Variants in SLC13A3 observed in about 807,000 individuals in gnomAD.
SLC13A3 encodes the protein solute carrier family 13 member 3, also known as Na(+)/dicarboxylate cotransporter 3.
Under a neutral mutation model 59.0 loss-of-function variants are expected in SLC13A3, and 40 were observed. The ratio of observed to expected loss-of-function variants is 0.68; its 90% confidence interval spans 0.53 to 0.88. The LOEUF is 0.88. Ranked by LOEUF, SLC13A3 falls within the 40% of genes least tolerant of loss-of-function variation. The pLI is 0.00. For missense variants in SLC13A3, 699 were observed against 783.2 expected, an observed-to-expected ratio of 0.89 and a Z score of 1.28; for synonymous variants, 317 against 330.3, an observed-to-expected ratio of 0.96 and a Z score of 0.44.
intron 4 of SLC13A3, among the ~76,000 whole-genome samples, chr20:46,596,648 G>A (rs186086385): frequency 1.9e-3 from 287 of 152,338 alleles, no homozygotes; most frequent in Non-Finnish European, 3.0e-3. Flanking sequence ...TTCCTGAATG[G>A]AACACCAATG....
In SLC13A3 at chr20:46,558,430, A is replaced by G. The variant is rs1034721395; in HGVS notation, c.*1592T>C. The G allele has an allele frequency of 3.3e-5, 5 of 152,222 alleles. No homozygotes were observed. The highest frequency in any genetic ancestry group is 1.2e-4 in the African/African-American group (5 of 41,452). The allele number at this position is 152,222 out of a possible 1,614,324, so 9.4% of individuals were successfully genotyped here. On this transcript the variant is annotated 3_prime_UTR_variant, in exon 13 of 13. Transcript: ENST00000279027. ...CAAATCATCTCCAGGTCCAAAGTTG[A>G]TTAACATTCTTTATTTCACAGTATT...
chr20:46,631,809 C>T (rs974614519), intron 1 of SLC13A3, among the ~76,000 whole-genome samples: 1 of 152,006 alleles, frequency 6.6e-6, no homozygotes, highest in African/African-American at 2.4e-5. Flanking sequence ...GAAAAAAATG[C>T]CATGTCAGGT....
intron 1 of SLC13A3, among the ~76,000 whole-genome samples, chr20:46,616,149 A>T (rs2122760718): frequency 6.6e-6 from 1 of 152,330 alleles, no homozygotes; most frequent in Non-Finnish European, 1.5e-5. Context: ...CAGTTTCTCA[A>T]ATGAGGCAGA....
At chr20:46,655,042 T>G (rs1003544137), upstream of SLC13A3, among the ~76,000 whole-genome samples, 2 of 152,226 alleles carry the variant, frequency 1.3e-5, no homozygotes, top group African/African-American at 4.8e-5. Context: ...ATTTGAGTTA[T>G]TTCTTCTCCA....
chr20:46,676,279 A>T (rs1287011558), intron 1 of SLC13A3, among the ~76,000 whole-genome samples: 1 of 151,862 alleles, frequency 6.6e-6, no homozygotes. Context: ...GTTTCATGAA[A>T]TTTTACAAAC....
At chr20:46,609,665 A>G (rs1422231510) in intron 3 of SLC13A3, among the ~76,000 whole-genome samples, 3 of 152,228 alleles carry the variant, frequency 2.0e-5, no homozygotes, top group Non-Finnish European at 4.4e-5. Flanking sequence ...TCCAATCATA[A>G]CTGCTCTATG....
Position 46,614,267 on chromosome 20 carries a change from C to A in SLC13A3, c.112-542G>T, listed in dbSNP as rs368308597. On this transcript the variant is annotated intron_variant, in intron 1 of 12. Transcript: ENST00000279027. ...CCTGAAGCTCAATTCTGATGGGGAA[C>A]CCTGGGGGACAGGGCATATCATGCC... Among the ~76,000 whole-genome samples, 9 of 152,242 alleles carry A rather than the reference C, an allele frequency of 5.9e-5. No homozygotes were observed. In the East Asian group the frequency reaches 1.2e-3, roughly 20 times the overall value.
chr20:46,644,146 A>G (rs2062871822), intron 1 of SLC13A3, among the ~76,000 whole-genome samples: 1 of 152,188 alleles, frequency 6.6e-6, no homozygotes, highest in South Asian at 2.1e-4. Context: ...CCCTCACTGA[A>G]GCCTTTGGAA....
chr20:46,629,437 A>T (rs535829529), intron 1 of SLC13A3, among the ~76,000 whole-genome samples: 24 of 152,318 alleles, frequency 1.6e-4, no homozygotes, highest in Non-Finnish European at 2.9e-4. Context: ...CAACCTGCAT[A>T]TGTTTTAGTT....
At chr20:46,600,433 AGG>A (rs1385114431) in intron 3 of SLC13A3, among the ~76,000 whole-genome samples, 416 of 151,560 alleles carry the variant, frequency 2.7e-3, no homozygotes, top group Non-Finnish European at 5.0e-3. Context: ...AAAGGAAGGA[AGG>A]AAGGAAGGAA....
At chr20:46,682,146 G>A (rs2063156611) in intron 1 of SLC13A3, 1 of 152,146 alleles carries the variant, frequency 6.6e-6, no homozygotes, top group Admixed American at 6.5e-5. Context: ...ATTTAAGGAG[G>A]CATCCAAAAA....
chr20:46,624,781 G>C (rs2062651713), intron 1 of SLC13A3, among the ~76,000 whole-genome samples: 1 of 152,198 alleles, frequency 6.6e-6, no homozygotes, highest in South Asian at 2.1e-4. Flanking sequence ...GAAAGCCCAA[G>C]TATTTCTAAA....
chr20:46,619,233 C>G (rs1359825613), intron 1 of SLC13A3, among the ~76,000 whole-genome samples: 2 of 152,192 alleles, frequency 1.3e-5, no homozygotes, highest in Admixed American at 1.3e-4. Flanking sequence ...ATGCTGGAAG[C>G]CTCTTTTGTA....
chr20:46,583,448 A>C (rs762025008), intron 9 of SLC13A3, 124 bp downstream of exon 9: 442 of 1,481,616 alleles, frequency 3.0e-4, no homozygotes, highest in Non-Finnish European at 3.6e-4. Flanking sequence ...TGGCTCAGAC[A>C]GTGAAAGGAG....
intron 6 of SLC13A3, among the ~76,000 whole-genome samples, chr20:46,589,599 C>T (rs989411331): frequency 3.9e-5 from 6 of 152,128 alleles, no homozygotes; most frequent in Non-Finnish European, 1.5e-5. Context: ...AATAAAATTG[C>T]TATCTCAGAT....
intron 1 of SLC13A3, among the ~76,000 whole-genome samples, chr20:46,661,740 C>A (rs1189260083): frequency 2.0e-5 from 3 of 152,116 alleles, no homozygotes; most frequent in African/African-American, 7.2e-5. Context: ...GGTGTCTTTT[C>A]ACTATAAGCT....
intron 1 of SLC13A3, among the ~76,000 whole-genome samples, chr20:46,683,643 T>C (rs1487719040): frequency 1.3e-5 from 2 of 152,210 alleles, no homozygotes; most frequent in African/African-American, 4.8e-5. Flanking sequence ...ACCCCTCTTG[T>C]AGCAGAGCGC....
intron 6 of SLC13A3, among the ~76,000 whole-genome samples, chr20:46,590,255 C>T (rs574093922): frequency 2.0e-5 from 3 of 151,916 alleles, no homozygotes; most frequent in Non-Finnish European, 2.9e-5. Context: ...TATGATTATT[C>T]TTTTATAAGT....
At chr20:46,674,660 C>A (rs2063113999), upstream of SLC13A3, among the ~76,000 whole-genome samples, 2 of 146,796 alleles carry the variant, frequency 1.4e-5, no homozygotes, top group Admixed American at 1.4e-4. Flanking sequence ...TGGAAGGAAT[C>A]AGAGGAAGGC....
Sources: gnomAD v4.1 joint callset for allele counts (sites outside exome capture counted in the v4.1 genomes callset) on GRCh38, gnomAD v4.1.1 for gene constraint, MANE v1.5 for transcripts, NCBI Gene and HGNC (gene_info 2026-07-23, HGNC 2026-07-21) for gene names.